The following GGT5 variants were observed in gnomAD, a reference collection of about 807,000 sequenced individuals.
GGT5 encodes the protein glutathione hydrolase 5 proenzyme.
Under a neutral mutation model 58.1 loss-of-function variants are expected in GGT5, and 50 were observed. That is an observed-to-expected ratio of 0.86 (90% CI 0.69 to 1.09). The LOEUF is 1.09. Ranked by LOEUF, GGT5 falls within the 50% of genes least tolerant of loss-of-function variation. The pLI is 0.00. For missense variants in GGT5, 800 were observed against 789.4 expected (o/e 1.01, Z -0.16); for synonymous variants, 370 against 346.1 (o/e 1.07, Z -0.77).
Position 24,225,111 on chromosome 22 carries a change from G to C in GGT5, c.1504-5C>G. On this transcript the variant is annotated splice_polypyrimidine_tract_variant and splice_region_variant and intron_variant, in intron 10 of 11. Transcript: ENST00000327365. ...CCACAGCTTGCTCATGATGGCCTGG[G>C]GGAGAGATGAGGGTTTCAGGGAGAA... The C allele has an allele frequency of 1.3e-6, 2 of 1,599,368 alleles. No homozygotes were observed. Among genetic ancestry groups the C allele is most frequent in the South Asian group, 2.2e-5 (2 of 89,606 alleles).
rs1045191394 is a variant in GGT5, at chr22:24,219,902, C to A, written c.*68G>T. 4.6e-6 allele frequency: 7 copies of A among 1,515,682 alleles called. No individual in the cohort carries two copies. The highest frequency in any genetic ancestry group is 2.7e-5 in the African/African-American group (2 of 72,954). The allele number at this position is 1,515,682 out of a possible 1,614,324, so 93.9% of individuals were successfully genotyped here. ...GATCCTGCCAGAGTAGTTGGTCCCC[C>A]AGCCATGTCCGGCCTGGACACAGGA... On this transcript the variant is annotated 3_prime_UTR_variant, in exon 12 of 12. Coordinates refer to ENST00000327365, the MANE Select transcript of GGT5 (RefSeq NM_004121.5).
intron 11 of GGT5, 97 bp from the exon 12 acceptor site, chr22:24,220,213 G>A (rs909125568): frequency 5.8e-6 from 7 of 1,202,816 alleles, no homozygotes; most frequent in Non-Finnish European, 8.3e-6. Flanking sequence ...TGATCAAAAG[G>A]CAAGACGGAG....
In GGT5 at chr22:24,226,651, G is replaced by A. The variant is rs1479701516; in HGVS notation, c.1018C>T (p.Arg340Ter). 4 of 1,613,924 alleles carry A rather than the reference G, an allele frequency of 2.5e-6. No homozygotes were observed. The South Asian group carries it at 3.3e-5, about 13-fold the overall frequency. ...KGQRWRLGDP[R>*]SHPKLQNASR... is the part of the protein sequence containing the mutation. ...CTCACCTGGAGCTTCGGGTGGCTTC[G>A]AGGGTCCCCCAGCCTCCACCTCTGC... The change falls in exon 7 of 12, where the codon CGA (arginine) becomes TGA (stop). Residue 340 changes from arginine to a stop codon, truncating the protein, a stop_gained. Coordinates refer to ENST00000327365, the MANE Select transcript of GGT5 (RefSeq NM_004121.5). LOFTEE classifies it high-confidence loss of function.
chr22:24,223,881 G>A (rs2047673083), intron 11 of GGT5, among the ~76,000 whole-genome samples: 5 of 147,688 alleles, frequency 3.4e-5, no homozygotes, highest in South Asian at 2.2e-4. Flanking sequence ...TCCTGCTTCA[G>A]CCTCCCGAGT....
At chr22:24,223,026 C>T (rs2047646415) in intron 11 of GGT5, among the ~76,000 whole-genome samples, 1 of 151,662 alleles carries the variant, frequency 6.6e-6, no homozygotes. Context: ...GGAGGCAGAG[C>T]TTGCAGTGAG....
chr22:24,222,352 A>G (rs1569351521), intron 11 of GGT5, among the ~76,000 whole-genome samples: 1 of 152,100 alleles, frequency 6.6e-6, no homozygotes, highest in African/African-American at 2.4e-5. Context: ...ACGTTTGGCT[A>G]TGAGTTCCCC....
chr22:24,220,005 C>G lies in GGT5; in HGVS notation c.1726G>C (p.Asp576His). ...QEGACVYAVS[D>H]LRKSGEAAGY ...GCGGCCTCCCCACTCTTCCTCAGGT[C>G]CGAGACGGCGTACACACAGGCCCCC... Residue 576 changes from aspartate (D) to histidine (H), a missense_variant, in exon 12 of 12, where the codon GAC becomes CAC. Physicochemically the swap from Asp to His is moderately conservative, Grantham distance 81. Transcript: ENST00000327365. The G allele has an allele frequency of 1.2e-6, 2 of 1,614,146 alleles. No individual in the cohort carries two copies. The highest frequency in any genetic ancestry group is 1.7e-6 in the Non-Finnish European group (2 of 1,179,998).
chr22:24,225,883 C>T (rs1462697224), intron 8 of GGT5, among the ~76,000 whole-genome samples, 193 bp downstream of exon 8: 1 of 152,084 alleles, frequency 6.6e-6, no homozygotes, highest in Non-Finnish European at 1.5e-5. Context: ...AATCTTGGGT[C>T]GGGGCCACCC....
chr22:24,226,589 G>A (rs1218582607), intron 7 of GGT5, 42 bp downstream of exon 7: 3 of 1,606,784 alleles, frequency 1.9e-6, no homozygotes, highest in South Asian at 1.1e-5. Flanking sequence ...CTGAGCCAGG[G>A]AGGAGGACGG....
intron 11 of GGT5, among the ~76,000 whole-genome samples, chr22:24,222,427 C>T (rs2148883013): frequency 6.6e-6 from 1 of 152,236 alleles, no homozygotes; most frequent in African/African-American, 2.4e-5. Flanking sequence ...ACTGCTGAAG[C>T]CAAAGTTGGA....
chr22:24,229,188 G>A (rs1430427044), intron 6 of GGT5, among the ~76,000 whole-genome samples: 1 of 152,044 alleles, frequency 6.6e-6, no homozygotes, highest in African/African-American at 2.4e-5. Context: ...CAGATCACCT[G>A]AGGTCAGGAG....
intron 6 of GGT5, among the ~76,000 whole-genome samples, chr22:24,227,139 A>C (rs1333296389): frequency 6.6e-6 from 1 of 150,478 alleles, no homozygotes; most frequent in Non-Finnish European, 1.5e-5. Flanking sequence ...TTTAGTAGAC[A>C]GGATTTCGCC....
chr22:24,220,381 G>A (rs2047554585), intron 11 of GGT5: 2 of 595,372 alleles, frequency 3.4e-6, no homozygotes, highest in Non-Finnish European at 6.3e-6. Flanking sequence ...TGTCTGTTCT[G>A]GATCCAAGGA....
At chr22:24,238,375 C>A (rs1334438286) in intron 1 of GGT5, among the ~76,000 whole-genome samples, 1 of 151,322 alleles carries the variant, frequency 6.6e-6, no homozygotes, top group Non-Finnish European at 1.5e-5. Context: ...ACTACAAATA[C>A]AAAAAAATTA....
At chr22:24,231,185 G>C (rs558907611) in intron 6 of GGT5, among the ~76,000 whole-genome samples, 199 bp downstream of exon 6, 1 of 152,204 alleles carries the variant, frequency 6.6e-6, no homozygotes, top group Non-Finnish European at 1.5e-5. Context: ...CGTATGGGTC[G>C]AGCTGGAGGC....
intron 1 of GGT5, among the ~76,000 whole-genome samples, chr22:24,238,918 TATATATAATATATATTATATAATA>T (rs1194799525): frequency 2.7e-4 from 6 of 22,572 alleles, no homozygotes; most frequent in African/African-American, 1.5e-3. Context: ...ATATATATTA[TATATATAATATATATTATATAATA>T]TATATATATA....
chr22:24,221,330 C>T (rs1170426123), intron 11 of GGT5, among the ~76,000 whole-genome samples: 2 of 151,284 alleles, frequency 1.3e-5, no homozygotes, highest in Non-Finnish European at 2.9e-5. Context: ...GATTCTGACC[C>T]TCCCTAAACT....
intron 1 of GGT5, among the ~76,000 whole-genome samples, chr22:24,239,598 C>A (rs977699875): frequency 6.6e-5 from 10 of 151,730 alleles, no homozygotes; most frequent in African/African-American, 2.4e-4. Context: ...GGCTTCATTA[C>A]ACAATTCTCT....
At chr22:24,236,494 T>C (rs764523099) in intron 1 of GGT5, among the ~76,000 whole-genome samples, 1 of 152,300 alleles carries the variant, frequency 6.6e-6, no homozygotes, top group South Asian at 2.1e-4. Flanking sequence ...CCGGGCGCGG[T>C]GGCTCATGCC....
Sources: gnomAD v4.1 joint callset for allele counts (sites outside exome capture counted in the v4.1 genomes callset) on GRCh38, gnomAD v4.1.1 for gene constraint, MANE v1.5 for transcripts, NCBI Gene and HGNC (gene_info 2026-07-23, HGNC 2026-07-21) for gene names.